LRP6: variants seen among roughly 807,000 people sequenced by gnomAD.
The protein encoded by LRP6 is low-density lipoprotein receptor-related protein 6.
LRP6 carries 43 observed loss-of-function variants against 184.1 expected under a neutral mutation model. The observed-to-expected ratio is 0.23, with a 90% CI of 0.18 to 0.30. The LOEUF (loss-of-function observed/expected upper bound fraction) is 0.30. Ranked by LOEUF, LRP6 falls within the 10% of genes least tolerant of loss-of-function variation. LRP6 has a pLI of 1.00. For synonymous variants in LRP6, 719 were observed against 684.9 expected, an observed-to-expected ratio of 1.05 and a Z score of -0.78; for missense variants, 1,571 against 2,005.3, an observed-to-expected ratio of 0.78 and a Z score of 4.14.
At chr12:12,164,966 C>T in intron 8 of LRP6, 113 bp downstream of exon 8, 2 of 355,272 alleles carry the variant, frequency 5.6e-6, no homozygotes, top group Admixed American at 3.8e-5. Flanking sequence ...GGCGGGGGGG[C>T]AGTAAAGAAG....
At chr12:12,170,086 G>C (rs1591909878) in intron 7 of LRP6, among the ~76,000 whole-genome samples, 1 of 152,130 alleles carries the variant, frequency 6.6e-6, no homozygotes, top group Non-Finnish European at 1.5e-5. Flanking sequence ...TGTAATCCTA[G>C]CACTTTGGGA....
intron 22 of LRP6, among the ~76,000 whole-genome samples, chr12:12,123,703 C>G (rs950908809): frequency 1.3e-5 from 2 of 152,222 alleles, no homozygotes; most frequent in African/African-American, 4.8e-5. Context: ...CTGCTCAACA[C>G]ACTTTATAGA....
In LRP6 at chr12:12,162,387, T is replaced by G. The variant is rs780467072; in HGVS notation, c.2085A>C (p.Ala695=). The change falls in exon 10 of 23, where the codon GCA becomes GCC. Residue 695 remains alanine, a synonymous_variant. Transcript: ENST00000261349. ...AGCCGAATTCTACCACATGTTCCAG[T>G]GCACTGCCATTCATAAAGGCTCTGC... ...TISRAFMNGS[A]LEHVVEFGLD... The G allele has an allele frequency of 1.7e-5, 28 of 1,614,088 alleles. No homozygotes were observed. Among genetic ancestry groups the G allele is most frequent in the Non-Finnish European group, 2.4e-5 (28 of 1,180,030 alleles).
chr12:12,181,182 A>G lies in LRP6; in HGVS notation c.1234T>C (p.Trp412Arg). The G allele has an allele frequency of 6.2e-7, 1 of 1,614,186 alleles. No homozygotes were observed. The highest frequency in any genetic ancestry group is 8.5e-7 in the Non-Finnish European group (1 of 1,179,994). Residue 412 changes from tryptophan to arginine, a missense_variant, in exon 6 of 23, where the codon TGG becomes CGG. Trp to Arg is a moderately radical substitution (Grantham distance 101). Coordinates refer to ENST00000261349, the MANE Select transcript of LRP6 (RefSeq NM_002336.3). ...GTCCAATAAAGATTTCGTGCAACCC[A>G]GTCCACAGCAATACCATCAGGATGG... ...IAHPDGIAVD[W>R]VARNLYWTDT... is the part of the protein sequence containing the mutation.
intron 1 of LRP6, among the ~76,000 whole-genome samples, chr12:12,264,722 T>C (rs745961811): frequency 7.2e-5 from 11 of 152,160 alleles, no homozygotes; most frequent in Non-Finnish European, 1.6e-4. Flanking sequence ...TTCTAAATTA[T>C]GAACAAAAAT....
At chr12:12,259,852 G>A (rs1186735207) in intron 1 of LRP6, among the ~76,000 whole-genome samples, 6 of 152,150 alleles carry the variant, frequency 3.9e-5, no homozygotes, top group Non-Finnish European at 8.8e-5. Context: ...CTTATCCGAA[G>A]TGAAAACATG....
chr12:12,142,586 G>A (rs1270899053), intron 15 of LRP6, among the ~76,000 whole-genome samples: 1 of 151,620 alleles, frequency 6.6e-6, no homozygotes, highest in East Asian at 1.9e-4. Flanking sequence ...CTTTTTCAGA[G>A]AATAGAAAAA....
chr12:12,148,582 A>G (rs1950040738), intron 14 of LRP6, among the ~76,000 whole-genome samples: 1 of 152,226 alleles, frequency 6.6e-6, no homozygotes, highest in African/African-American at 2.4e-5. Context: ...AGGACTAAGT[A>G]TAACTTAGAG....
intron 1 of LRP6, among the ~76,000 whole-genome samples, chr12:12,246,212 AC>A (rs1865180041): frequency 6.6e-6 from 1 of 151,390 alleles, no homozygotes; most frequent in African/African-American, 2.4e-5. Context: ...CGCCATGTTG[AC>A]CAGGCTGGTC....
chr12:12,261,177 T>A (rs1007114160), intron 1 of LRP6, among the ~76,000 whole-genome samples: 4 of 151,992 alleles, frequency 2.6e-5, no homozygotes, highest in Non-Finnish European at 5.9e-5. Flanking sequence ...TCCCAACAGT[T>A]TGGGAGGCCG....
At chr12:12,213,986 G>C (rs766095826) in intron 2 of LRP6, among the ~76,000 whole-genome samples, 2 of 152,012 alleles carry the variant, frequency 1.3e-5, no homozygotes, top group Non-Finnish European at 2.9e-5. Context: ...TTTCCTACTG[G>C]CTTTGACCCT....
intron 2 of LRP6, among the ~76,000 whole-genome samples, chr12:12,215,330 T>C (rs574354711): frequency 1.3e-5 from 2 of 152,086 alleles, no homozygotes; most frequent in South Asian, 4.2e-4. Context: ...TGTGCAGAAA[T>C]AATGAAAAAA....
intron 2 of LRP6, among the ~76,000 whole-genome samples, chr12:12,215,938 C>T (rs1477720834): frequency 6.6e-6 from 1 of 151,880 alleles, no homozygotes; most frequent in East Asian, 2.0e-4. Flanking sequence ...CTTGAACCCA[C>T]AAGGCAGAGG....
chr12:12,218,711 C>G (rs1483860980), intron 2 of LRP6, among the ~76,000 whole-genome samples: 1 of 151,900 alleles, frequency 6.6e-6, no homozygotes, highest in South Asian at 2.1e-4. Context: ...CACCTGTAAT[C>G]CCAGCTACAA....
chr12:12,165,044 G>A, intron 8 of LRP6, 35 bp downstream of exon 8: 1 of 1,510,612 alleles, frequency 6.6e-7, no homozygotes, highest in South Asian at 1.1e-5. Context: ...TTCATTCCTG[G>A]TTCCCATTTC....
chr12:12,138,622 T>C, intron 15 of LRP6, 88 bp from the exon 16 acceptor site: 2 of 1,321,868 alleles, frequency 1.5e-6, no homozygotes, highest in South Asian at 1.2e-5. Context: ...AGTTAGATTC[T>C]ACAGGTAGAG....
At chr12:12,261,758 T>C (rs1354895419) in intron 1 of LRP6, among the ~76,000 whole-genome samples, 1 of 152,088 alleles carries the variant, frequency 6.6e-6, no homozygotes, top group Non-Finnish European at 1.5e-5. Flanking sequence ...ATAACTTAAT[T>C]CTCCTGATTG....
intron 4 of LRP6, among the ~76,000 whole-genome samples, chr12:12,186,268 A>T (rs1863471519): frequency 6.6e-6 from 1 of 152,252 alleles, no homozygotes; most frequent in African/African-American, 2.4e-5. Context: ...CAATTTTTAA[A>T]TTATCTCTCT....
chr12:12,218,647 C>G (rs1025271065), intron 2 of LRP6, among the ~76,000 whole-genome samples: 12 of 151,836 alleles, frequency 7.9e-5, no homozygotes, highest in African/African-American at 2.9e-4. Context: ...TATACACCCA[C>G]TAGGATGGTT....
Sources: allele counts gnomAD v4.1 joint callset (sites outside exome capture counted in the v4.1 genomes callset), GRCh38; gene constraint gnomAD v4.1.1; transcripts MANE v1.5; gene names NCBI Gene and HGNC (gene_info 2026-07-23, HGNC 2026-07-21).